Variants in LHFPL4 observed in about 807,000 individuals in gnomAD.
The protein encoded by LHFPL4 is LHFPL tetraspan subfamily member 4.
In LHFPL4, 6 loss-of-function variants were observed where a neutral mutation model predicts 20.0. The ratio of observed to expected loss-of-function variants is 0.30; its 90% CI spans 0.16 to 0.59. The LOEUF is 0.59. Ranked by LOEUF, LHFPL4 falls within the 20% of genes least tolerant of loss-of-function variation. LHFPL4 has a pLI of 0.88. For synonymous variants in LHFPL4, 129 were observed against 143.8 expected, an observed-to-expected ratio of 0.90 and a Z score of 0.74; for missense variants, 215 against 331.2, an observed-to-expected ratio of 0.65 and a Z score of 2.72.
In LHFPL4 at chr3:9,542,974, C is replaced by T. The variant is rs113823151; in HGVS notation, c.406+9300G>A. ...TAGCTAAAGTGCATGAGGTTTCTTT[C>T]TGAGATAATGAAAAATATCCTAAAA... On this transcript the variant is annotated intron_variant, in intron 2 of 3. Coordinates refer to ENST00000287585, the MANE Select transcript of LHFPL4 (RefSeq NM_198560.3). Among the ~76,000 whole-genome samples the T allele has an allele frequency of 9.9e-4, 151 of 152,150 alleles. 3 individuals carry two copies. The highest frequency in any genetic ancestry group is 9.1e-3 in the South Asian group (44 of 4,826).
intron 3 of LHFPL4, among the ~76,000 whole-genome samples, chr3:9,503,458 A>G (rs2046193550): frequency 1.3e-5 from 2 of 152,198 alleles, no homozygotes; most frequent in Admixed American, 6.5e-5. Flanking sequence ...TGCATCAGGT[A>G]TTTAGAACCT....
Position 9,500,383 on chromosome 3 carries a change from C to T in LHFPL4, c.*1828G>A, listed in dbSNP as rs2125653457. 1 of 152,522 alleles carries T rather than the reference C, an allele frequency of 6.6e-6. No individual in the cohort carries two copies. Among genetic ancestry groups the T allele is most frequent in the East Asian group, 1.9e-4 (1 of 5,178 alleles). The allele number at this position is 152,522 out of a possible 1,614,324, so 9.4% of individuals were successfully genotyped here. A position where few individuals can be genotyped will look rare whatever the true frequency, so the allele number is the denominator to read the frequency against. The stretch of plus-strand genomic sequence containing the variant: ...AAGGCGCCGGCGGGGAAGGGGAGCC[C>T]AGCGCTGGGACCAGAGCACTGCGGG... On this transcript the variant is annotated 3_prime_UTR_variant, in exon 4 of 4. Coordinates refer to ENST00000287585, the MANE Select transcript of LHFPL4 (RefSeq NM_198560.3).
chr3:9,522,229 C>T (rs535087751), intron 2 of LHFPL4, among the ~76,000 whole-genome samples: 64 of 150,912 alleles, frequency 4.2e-4, no homozygotes, highest in African/African-American at 1.5e-3. Context: ...CTCTTGACCT[C>T]GTGATCTGCC....
At chr3:9,504,410 C>A (rs773593741) in intron 3 of LHFPL4, among the ~76,000 whole-genome samples, 2 of 151,094 alleles carry the variant, frequency 1.3e-5, no homozygotes, top group Non-Finnish European at 2.9e-5. Context: ...TCTAACGCTA[C>A]CCATAATTTG....
intron 2 of LHFPL4, among the ~76,000 whole-genome samples, chr3:9,534,216 T>TA (rs774766910): frequency 0.013 from 1,808 of 142,158 alleles, 9 homozygotes; most frequent in Non-Finnish European, 0.017. Flanking sequence ...GACCTTTTCT[T>TA]AAAAAAAAAA....
At chr3:9,546,123 G>A (rs112472190) in intron 2 of LHFPL4, among the ~76,000 whole-genome samples, 8 of 151,938 alleles carry the variant, frequency 5.3e-5, no homozygotes, top group Non-Finnish European at 8.8e-5. Context: ...AGACCAGCCT[G>A]GCCAACATGG....
chr3:9,530,070 T>G (rs2046399935), intron 2 of LHFPL4, among the ~76,000 whole-genome samples: 1 of 152,198 alleles, frequency 6.6e-6, no homozygotes, highest in African/African-American at 2.4e-5. Context: ...TTAGCATAAT[T>G]CTTAAGGGCC....
rs963677978 is a variant in LHFPL4, at chr3:9,498,791, G to C, written c.*3420C>G. ...CCAAGCAGGATGCTCAAAAGGCCAG[G>C]GACTCTCCCCACAGCCTTATCTAAA... On this transcript the variant is annotated 3_prime_UTR_variant, in exon 4 of 4. Coordinates refer to ENST00000287585, the MANE Select transcript of LHFPL4 (RefSeq NM_198560.3). 15 of 152,622 alleles carry C rather than the reference G, an allele frequency of 9.8e-5. No homozygotes were observed. The highest frequency in any genetic ancestry group is 3.6e-4 in the African/African-American group (15 of 41,430). The allele number at this position is 152,622 out of a possible 1,614,324, so 9.5% of individuals were successfully genotyped here.
intron 2 of LHFPL4, among the ~76,000 whole-genome samples, chr3:9,512,594 C>G (rs555747714): frequency 6.6e-6 from 1 of 152,196 alleles, no homozygotes; most frequent in South Asian, 2.1e-4. Flanking sequence ...CAATTTTTAG[C>G]TAAGACCTTG....
chr3:9,508,354 A>G (rs1221967537), intron 2 of LHFPL4, among the ~76,000 whole-genome samples: 2 of 151,922 alleles, frequency 1.3e-5, no homozygotes, highest in Non-Finnish European at 2.9e-5. Context: ...CCCCCCACCA[A>G]TGCTCCTCCT....
chr3:9,516,444 G>T (rs2046302461), intron 2 of LHFPL4, among the ~76,000 whole-genome samples: 1 of 151,608 alleles, frequency 6.6e-6, no homozygotes, highest in Non-Finnish European at 1.5e-5. Context: ...CAATCAATTT[G>T]CCCGTTCTTT....
At chr3:9,504,142 A>G (rs910327450) in intron 3 of LHFPL4, among the ~76,000 whole-genome samples, 11 of 152,086 alleles carry the variant, frequency 7.2e-5, no homozygotes, top group Non-Finnish European at 8.8e-5. Flanking sequence ...AAGCTGAGGC[A>G]GGCAGATCAC....
Position 9,506,364 on chromosome 3 carries a change from G to A in LHFPL4, c.407-161C>T, listed in dbSNP as rs139622588. On this transcript the variant is annotated intron_variant, in intron 2 of 3. Coordinates refer to ENST00000287585, the MANE Select transcript of LHFPL4 (RefSeq NM_198560.3). The surrounding 1 kb of genome is among the most constrained non-coding windows in gnomAD (Gnocchi z 4.5). ...ACAGAGGGAGAAAGAGAGGGCAGGG[G>A]CAGGGAAAAGAGAGAGAGAAAGAGG... Among the ~76,000 whole-genome samples the A allele has an allele frequency of 6.3e-3, 959 of 152,262 alleles. 5 individuals are homozygous for A. Among genetic ancestry groups the A allele is most frequent in the Non-Finnish European group, 9.3e-3 (633 of 68,016 alleles).
chr3:9,541,537 C>G (rs1232158321), intron 2 of LHFPL4, among the ~76,000 whole-genome samples: 1 of 152,024 alleles, frequency 6.6e-6, no homozygotes, highest in African/African-American at 2.4e-5. Context: ...TTTGGGAGGC[C>G]AAGGCGGGTG....
chr3:9,545,621 G>C (rs1432686725), intron 2 of LHFPL4, among the ~76,000 whole-genome samples: 3 of 151,996 alleles, frequency 2.0e-5, no homozygotes, highest in Non-Finnish European at 4.4e-5. Context: ...ACAAAAATTA[G>C]CTAGAAATTG....
chr3:9,547,434 G>A (rs1457850373), intron 2 of LHFPL4, among the ~76,000 whole-genome samples: 1 of 152,362 alleles, frequency 6.6e-6, no homozygotes. Flanking sequence ...AGTCCATGGA[G>A]ATTATAGCTC....
At chr3:9,516,923 G>T (rs1343311038) in intron 2 of LHFPL4, among the ~76,000 whole-genome samples, 2 of 151,656 alleles carry the variant, frequency 1.3e-5, no homozygotes, top group South Asian at 2.1e-4. Context: ...GGGATTAGGG[G>T]AGCCCGCCAC....
At chr3:9,513,060 C>G (rs1366898153) in intron 2 of LHFPL4, among the ~76,000 whole-genome samples, 1 of 151,930 alleles carries the variant, frequency 6.6e-6, no homozygotes, top group Non-Finnish European at 1.5e-5. Flanking sequence ...CCTGGATTCA[C>G]GCCATTCTCC....
chr3:9,505,931 C>T, intron 3 of LHFPL4, 36 bp downstream of exon 3: 1 of 1,581,104 alleles, frequency 6.3e-7, no homozygotes, highest in Non-Finnish European at 8.7e-7. Flanking sequence ...CCAGGCCTGG[C>T]TCCCGCCGCT....
Sources: gnomAD v4.1 joint callset for allele counts (sites outside exome capture counted in the v4.1 genomes callset) on GRCh38, gnomAD v4.1.1 for gene constraint, Gnocchi (gnomAD v3.1) non-coding constraint, MANE v1.5 for transcripts, NCBI Gene and HGNC (gene_info 2026-07-23, HGNC 2026-07-21) for gene names.